PCDHGA11: variants seen among roughly 807,000 people sequenced by gnomAD.
The protein encoded by PCDHGA11 is protocadherin gamma-A11.
PCDHGA11 carries 39 observed loss-of-function variants against 60.4 expected under a neutral mutation model. The observed-to-expected ratio is 0.65, with a 90% CI of 0.50 to 0.84. The LOEUF (loss-of-function observed/expected upper bound fraction) is 0.84, where lower values mean the gene tolerates loss of function less well. PCDHGA11 is among the 40% of genes least tolerant of loss of function. The probability of loss-of-function intolerance (pLI) is 0.00; values close to 1 mark genes in which losing one functional copy is unlikely to be tolerated. For synonymous variants in PCDHGA11, 533 were observed against 510.3 expected (o/e 1.04, Z -0.60); for missense variants, 1,165 against 1,197.7 (o/e 0.97, Z 0.40).
At chr5:141,436,473 C>CA (rs2097825744) in intron 1 of PCDHGA11, among the ~76,000 whole-genome samples, 1 of 152,112 alleles carries the variant, frequency 6.6e-6, no homozygotes, top group Non-Finnish European at 1.5e-5. Context: ...TCAGATGTAT[C>CA]ATAGAAGGAT....
chr5:141,497,960 C>T (rs946836523), intron 2 of PCDHGA11, among the ~76,000 whole-genome samples: 24 of 152,202 alleles, frequency 1.6e-4, no homozygotes, highest in African/African-American at 5.8e-4. Flanking sequence ...GTTGGCCAGG[C>T]AGTGTTCTCG....
intron 1 of PCDHGA11, among the ~76,000 whole-genome samples, chr5:141,449,714 A>G (rs1188830159): frequency 2.6e-5 from 4 of 151,334 alleles, no homozygotes; most frequent in African/African-American, 7.3e-5. Flanking sequence ...CATTATTTTT[A>G]TATGATATGA....
rs1376914747 is a variant in PCDHGA11, at chr5:141,432,008, A to T, written c.2433+8348A>T. On this transcript the variant is annotated intron_variant, in intron 1 of 3. Coordinates refer to ENST00000398587, the MANE Select transcript of PCDHGA11 (RefSeq NM_018914.3). This position sits in a 1 kb window ranked among gnomAD's most constrained non-coding sequence, Gnocchi z 6.0. ...AGTCTTGGATAGGGAACAGGTTCCT[A>T]GCTACAACATCACAGTGACCGCCAC... 1 of 1,614,200 alleles carries T rather than the reference A, an allele frequency of 6.2e-7. No homozygotes were observed. The highest frequency in any genetic ancestry group is 2.2e-5 in the East Asian group (1 of 44,888).
At position 141,490,516 on chromosome 5, in the gene PCDHGA11, G is replaced by T. The variant is rs768123119; in HGVS notation, c.2434-4291G>T. The T allele has an allele frequency of 6.2e-7, 1 of 1,613,828 alleles. No individual in the cohort carries two copies. The highest frequency in any genetic ancestry group is 2.2e-5 in the East Asian group (1 of 44,864). On this transcript the variant is annotated intron_variant, in intron 1 of 3. Transcript: ENST00000398587. This position sits in a 1 kb window ranked among gnomAD's most constrained non-coding sequence, Gnocchi z 5.4. ...ATCCCACTATATCATCGAGCTGCTG[G>T]CCAGCGATGCTGGTTCACCTTCCCT... is the stretch of plus-strand genomic sequence containing the variant.
chr5:141,442,930 T>C (rs77210959), intron 1 of PCDHGA11, among the ~76,000 whole-genome samples: 6,420 of 152,302 alleles, frequency 0.042, 216 homozygotes, highest in African/African-American at 0.092. Flanking sequence ...TCATTTTCTA[T>C]TTAAGAAACT....
At position 141,477,550 on chromosome 5, in the gene PCDHGA11, C is replaced by T. The variant is rs1262360790; in HGVS notation, c.2434-17257C>T. The T allele has an allele frequency of 4.3e-6, 7 of 1,614,178 alleles. No homozygotes were observed. The highest frequency in any genetic ancestry group is 5.9e-6 in the Non-Finnish European group (7 of 1,180,036). On this transcript the variant is annotated intron_variant, in intron 1 of 3. Transcript: ENST00000398587. This position sits in a 1 kb window ranked among gnomAD's most constrained non-coding sequence, Gnocchi z 4.9. ...ACCTCCCCGGGGCTCCAATACTAAACCTAAGTGTCTGGGACCCCGACGCCC... is the reference window on the plus strand; with the variant it reads ...ACCTCCCCGGGGCTCCAATACTAAATCTAAGTGTCTGGGACCCCGACGCCC...
chr5:141,444,463 G>A (rs570185430), intron 1 of PCDHGA11, among the ~76,000 whole-genome samples: 10 of 152,026 alleles, frequency 6.6e-5, no homozygotes, highest in Admixed American at 1.3e-4. Context: ...GAGTCACTGC[G>A]CCCGGTCGCG....
chr5:141,505,436 T>C lies in PCDHGA11; in HGVS notation c.2536T>C (p.Phe846Leu). 1.2e-6 allele frequency: 2 copies of C among 1,614,118 alleles called. No homozygotes were observed. The highest frequency in any genetic ancestry group is 1.7e-6 in the Non-Finnish European group (2 of 1,179,998). ...DDTGTWPNNQ[F>L]DTEMLQAMIL... is the part of the protein sequence containing the mutation. ...CACCGGCACCTGGCCCAACAACCAG[T>C]TTGACACAGAGATGCTGCAAGCCAT... Residue 846 changes from phenylalanine (F) to leucine (L), a missense_variant, in exon 3 of 4, where the codon TTT becomes CTT. Phe to Leu is a conservative substitution (Grantham distance 22). Coordinates refer to ENST00000398587, the MANE Select transcript of PCDHGA11 (RefSeq NM_018914.3).
At chr5:141,453,919 C>T (rs142719452) in intron 1 of PCDHGA11, among the ~76,000 whole-genome samples, 2 of 152,318 alleles carry the variant, frequency 1.3e-5, no homozygotes, top group African/African-American at 4.8e-5. Flanking sequence ...TGTCAGTGAT[C>T]AGTCACTGTG....
At chr5:141,483,753 G>A (rs1316976446) in intron 1 of PCDHGA11, among the ~76,000 whole-genome samples, 1 of 152,082 alleles carries the variant, frequency 6.6e-6, no homozygotes, top group Non-Finnish European at 1.5e-5. Flanking sequence ...CCTGAGGATC[G>A]AGGCTTGGAA....
chr5:141,484,750 G>GTATA (rs545232987), intron 1 of PCDHGA11, among the ~76,000 whole-genome samples: 1 of 149,818 alleles, frequency 6.7e-6, no homozygotes, highest in Non-Finnish European at 1.5e-5. Context: ...GAAAAAAAAT[G>GTATA]TATATATATA....
intron 1 of PCDHGA11, among the ~76,000 whole-genome samples, chr5:141,446,571 G>C (rs1460375061): frequency 2.0e-5 from 3 of 152,058 alleles, no homozygotes; most frequent in African/African-American, 7.2e-5. Flanking sequence ...CTGCCTCCCA[G>C]GTTCAAGTGA....
In PCDHGA11 at chr5:141,493,550, T is replaced by C. The variant is rs978188511; in HGVS notation, c.2434-1257T>C. On this transcript the variant is annotated intron_variant, in intron 1 of 3. Coordinates refer to ENST00000398587, the MANE Select transcript of PCDHGA11 (RefSeq NM_018914.3). This position sits in a 1 kb window ranked among gnomAD's most constrained non-coding sequence, Gnocchi z 4.3. Reference sequence around the variant, plus strand: ...ACTTGGCCAGTTATCCTTTTGGAGATTGAGTTCCCCCAGCTCCGTTTCCTC... The same window carrying C: ...ACTTGGCCAGTTATCCTTTTGGAGACTGAGTTCCCCCAGCTCCGTTTCCTC... Among the ~76,000 whole-genome samples the C allele has an allele frequency of 1.3e-5, 2 of 152,172 alleles. No homozygotes were observed. The highest frequency in any genetic ancestry group is 2.4e-5 in the African/African-American group (1 of 41,430).
chr5:141,441,671 C>T (rs1027440120), intron 1 of PCDHGA11: 1 of 287,648 alleles, frequency 3.5e-6, no homozygotes, highest in African/African-American at 2.3e-5. Flanking sequence ...GCGCACAGTG[C>T]GCCTTCGACC....
intron 2 of PCDHGA11, among the ~76,000 whole-genome samples, chr5:141,500,705 T>A (rs1169100560): frequency 6.6e-6 from 1 of 152,220 alleles, no homozygotes; most frequent in Non-Finnish European, 1.5e-5. Context: ...TTGCAGTGTA[T>A]CATGAGAATT....
intron 2 of PCDHGA11, among the ~76,000 whole-genome samples, chr5:141,501,159 C>G (rs1475164887): frequency 6.6e-6 from 1 of 152,096 alleles, no homozygotes; most frequent in East Asian, 1.9e-4. Context: ...GAGCCACCAT[C>G]CCCAGCCTCA....
In PCDHGA11 at chr5:141,485,520, T is replaced by G. The variant is rs2099615008; in HGVS notation, c.2434-9287T>G. On this transcript the variant is annotated intron_variant, in intron 1 of 3. Transcript: ENST00000398587. This position sits in a 1 kb window ranked among gnomAD's most constrained non-coding sequence, Gnocchi z 5.7. ...TTTGTCACCGAAGGTCCTTTGGAAA[T>G]GTACCGAGCAGAGGTAGAGATCGTA... 1 of 1,614,108 alleles carries G rather than the reference T, an allele frequency of 6.2e-7. No homozygotes were observed. The highest frequency in any genetic ancestry group is 8.5e-7 in the Non-Finnish European group (1 of 1,180,012).
chr5:141,421,603 G>T lies in PCDHGA11; in HGVS notation c.376G>T (p.Asp126Tyr), dbSNP rs1207844782. The T allele has an allele frequency of 2.5e-6, 4 of 1,613,758 alleles. No individual in the cohort carries two copies. Among genetic ancestry groups the T allele is most frequent in the Non-Finnish European group, 3.4e-6 (4 of 1,179,784 alleles). Residue 126 changes from aspartate to tyrosine, a missense_variant, in exon 1 of 4, where the codon GAT becomes TAT. Physicochemically the swap from Asp to Tyr is radical, Grantham distance 160. Coordinates refer to ENST00000398587, the MANE Select transcript of PCDHGA11 (RefSeq NM_018914.3). Reference protein sequence around the residue: ...KIYGVEVEIIDINDNAPSFQE... With the variant: ...KIYGVEVEIIYINDNAPSFQE... ...TTACGGAGTGGAGGTGGAAATAATA[G>T]ATATTAATGATAACGCCCCCAGCTT...
In PCDHGA11 at chr5:141,477,857, C is replaced by A. The variant is rs548674958; in HGVS notation, c.2434-16950C>A. On this transcript the variant is annotated intron_variant, in intron 1 of 3. Transcript: ENST00000398587. The surrounding 1 kb of genome is among the most constrained non-coding windows in gnomAD (Gnocchi z 4.9). ...AGGTGGGAGCTCGGTGGAGATGCTG[C>A]CTCGAGGTACCTCAGCTGGCCACCT... 2.9e-5 allele frequency: 47 copies of A among 1,613,454 alleles called. No individual in the cohort carries two copies. In the South Asian group the frequency reaches 4.9e-4, roughly 17 times the overall value.
Sources: gnomAD v4.1 joint callset for allele counts (sites outside exome capture counted in the v4.1 genomes callset) on GRCh38, gnomAD v4.1.1 for gene constraint, Gnocchi (gnomAD v3.1) non-coding constraint, MANE v1.5 for transcripts, NCBI Gene and HGNC (gene_info 2026-07-23, HGNC 2026-07-21) for gene names.